Variants in MYH13 observed in about 807,000 individuals in gnomAD.
The protein encoded by MYH13 is myosin-13.
In MYH13, 177 loss-of-function variants were observed where a neutral mutation model predicts 232.1. The observed-to-expected ratio is 0.76, with a 90% CI of 0.67 to 0.86. MYH13 has a LOEUF of 0.86. Among genes scored for constraint, MYH13 ranks in the 40% least tolerant of loss-of-function variants. The probability of loss-of-function intolerance (pLI) is 0.00; values close to 1 mark genes in which losing one functional copy is unlikely to be tolerated. For synonymous variants in MYH13, 884 were observed against 923.5 expected (o/e 0.96, Z 0.78); for missense variants, 2,246 against 2,405.9 (o/e 0.93, Z 1.39).
chr17:10,319,258 T>C (rs370920138), intron 26 of MYH13, 79 bp from the exon 27 acceptor site: 17 of 1,482,728 alleles, frequency 1.1e-5, no homozygotes, highest in Middle Eastern at 3.6e-4. Flanking sequence ...TGTTGAGGAA[T>C]TGCGGGTAGG....
intron 1 of MYH13, among the ~76,000 whole-genome samples, chr17:10,372,428 C>T (rs187360704): frequency 6.6e-6 from 1 of 152,308 alleles, no homozygotes; most frequent in Non-Finnish European, 1.5e-5. Context: ...ATTGCACTGT[C>T]AGACACAGTC....
At chr17:10,365,130 C>T (rs2071824506) in intron 2 of MYH13, among the ~76,000 whole-genome samples, 1 of 152,152 alleles carries the variant, frequency 6.6e-6, no homozygotes, top group African/African-American at 2.4e-5. Context: ...CCGCCTTGAC[C>T]TCCCAAAGTG....
intron 32 of MYH13, 120 bp downstream of exon 32, chr17:10,311,791 G>T: frequency 1.7e-6 from 2 of 1,164,872 alleles, no homozygotes; most frequent in Non-Finnish European, 2.5e-6. Flanking sequence ...GAGGCATGAT[G>T]GGTGAGGATC....
chr17:10,313,186 G>C lies in MYH13; in HGVS notation c.4153C>G (p.Gln1385Glu). ...GCCTCCTCCAGCTCCTCTGTGCGCT[G>C]AATGGCGTCCGTCTCGTATTTGGTC... ...WRTKYETDAI[Q>E]RTEELEEAKK... is the part of the protein sequence containing the mutation. The change falls in exon 30 of 41, where the codon CAG (glutamine) becomes GAG (glutamate). Residue 1385 changes from glutamine to glutamate, a missense_variant. Transcript: ENST00000252172. The C allele has an allele frequency of 6.2e-7, 1 of 1,614,166 alleles. No homozygotes were observed.
intron 8 of MYH13, among the ~76,000 whole-genome samples, chr17:10,356,912 T>G (rs1252489297): frequency 2.0e-5 from 3 of 152,240 alleles, no homozygotes; most frequent in African/African-American, 4.8e-5. Context: ...AGTAAAAAGT[T>G]GAAGGATGGC....
At position 10,323,787 on chromosome 17, in the gene MYH13, A is replaced by AAAGAAGAAG. The variant is rs571033999; in HGVS notation, c.2934+226_2934+234dup. Among the ~76,000 whole-genome samples the AAAGAAGAAG allele has an allele frequency of 3.0e-3, 200 of 66,744 alleles. 2 individuals are homozygous for AAAGAAGAAG. The highest frequency in any genetic ancestry group is 6.1e-3 in the African/African-American group (98 of 15,938). The allele number at this position is 66,744 out of a possible 152,430, so 43.8% of individuals were successfully genotyped here. A position where few individuals can be genotyped will look rare whatever the true frequency, so the allele number is the denominator to read the frequency against. The stretch of plus-strand genomic sequence containing the variant: ...CACAAAAAAAAAAAAAAAAAAAAAA[A>AAAGAAGAAG]AAGAAGAAGAAGAAGAAGAAGAAGA... On this transcript the variant is annotated intron_variant, in intron 23 of 40. Coordinates refer to ENST00000252172, the MANE Select transcript of MYH13 (RefSeq NM_003802.3).
chr17:10,344,973 C>G (rs1166530775), intron 15 of MYH13, among the ~76,000 whole-genome samples: 1 of 152,172 alleles, frequency 6.6e-6, no homozygotes, highest in Non-Finnish European at 1.5e-5. Flanking sequence ...GGTTCCATCA[C>G]ATTCTTGGAG....
chr17:10,368,157 T>C (rs2071851408), intron 2 of MYH13, among the ~76,000 whole-genome samples: 1 of 152,194 alleles, frequency 6.6e-6, no homozygotes, highest in Non-Finnish European at 1.5e-5. Context: ...ATTACAATCA[T>C]CAATATCACC....
At chr17:10,318,692 A>G (rs536088539) in intron 27 of MYH13, 98 bp downstream of exon 27, 1 of 1,469,892 alleles carries the variant, frequency 6.8e-7, no homozygotes, top group African/African-American at 1.4e-5. Context: ...TCAGTGTAGA[A>G]CATGCAGTGG....
rs994138023 is a variant in MYH13, at chr17:10,306,878, C to T, written c.5295+61G>A. On this transcript the variant is annotated intron_variant, in intron 36 of 40. Coordinates refer to ENST00000252172, the MANE Select transcript of MYH13 (RefSeq NM_003802.3). The surrounding 1 kb of genome is among the most constrained non-coding windows in gnomAD (Gnocchi z 4.3). Reference sequence around the variant, plus strand: ...ATGAAACATACTTGCCACACCCTGGCTCAGAGGCCCCACTTTCTCAGTTCC... The same window carrying T: ...ATGAAACATACTTGCCACACCCTGGTTCAGAGGCCCCACTTTCTCAGTTCC... 6.2e-7 allele frequency: 1 copy of T among 1,606,834 alleles called. No individual in the cohort carries two copies. The highest frequency in any genetic ancestry group is 2.2e-5 in the East Asian group (1 of 44,882).
intron 18 of MYH13, among the ~76,000 whole-genome samples, chr17:10,339,342 ATATT>A (rs1473329826): frequency 2.0e-5 from 3 of 152,332 alleles, no homozygotes; most frequent in African/African-American, 7.2e-5. Context: ...ACAGGGTTCT[ATATT>A]TATATATAGT....
At chr17:10,303,973 G>T (rs1906192538) in intron 37 of MYH13, among the ~76,000 whole-genome samples, 1 of 152,142 alleles carries the variant, frequency 6.6e-6, no homozygotes, top group East Asian at 1.9e-4. Context: ...CCTTTTCAGG[G>T]ACATGGATGA....
At chr17:10,309,905 G>T in intron 33 of MYH13, 75 bp from the exon 34 acceptor site, 3 of 1,218,598 alleles carry the variant, frequency 2.5e-6, no homozygotes, top group South Asian at 1.8e-5. Context: ...ATCCCCATAC[G>T]ATCAAATGGG....
chr17:10,323,542 G>C (rs775047041), intron 23 of MYH13, among the ~76,000 whole-genome samples: 1 of 152,046 alleles, frequency 6.6e-6, no homozygotes, highest in Non-Finnish European at 1.5e-5. Flanking sequence ...TGGATCACCT[G>C]AGGTAAGGAG....
intron 29 of MYH13, 44 bp downstream of exon 29, chr17:10,315,649 A>G (rs1906676734): frequency 1.3e-6 from 2 of 1,558,374 alleles, no homozygotes; most frequent in South Asian, 1.1e-5. Context: ...TGAAGTGGTC[A>G]TATAGCCTGG....
At position 10,318,912 on chromosome 17, in the gene MYH13, C is replaced by G; in HGVS notation, c.3616G>C (p.Glu1206Gln). 1 of 1,614,168 alleles carries G rather than the reference C, an allele frequency of 6.2e-7. No individual in the cohort carries two copies. Among genetic ancestry groups the G allele is most frequent in the Non-Finnish European group, 8.5e-7 (1 of 1,180,042 alleles). Residue 1206 changes from glutamate (E) to glutamine (Q), a missense_variant, in exon 27 of 41, where the codon GAG (glutamate) becomes CAG (glutamine). Glu to Gln is a conservative substitution (Grantham distance 29). Coordinates refer to ENST00000252172, the MANE Select transcript of MYH13 (RefSeq NM_003802.3). The stretch of plus-strand genomic sequence containing the variant: ...AGGTTGTCAATCTGCTCCCCAAGCT[C>G]GGCCACACTATCTGCTTGCTTCTTC... ...LRKKQADSVA[E>Q]LGEQIDNLQR...
At chr17:10,350,823 A>T (rs748910459) in intron 11 of MYH13, 129 bp from the exon 12 acceptor site, 1 of 1,210,618 alleles carries the variant, frequency 8.3e-7, no homozygotes, top group South Asian at 1.2e-5. Flanking sequence ...AGTGGATGAC[A>T]GGTGGGGATG....
At chr17:10,307,402 C>T (rs184417799) in intron 35 of MYH13, among the ~76,000 whole-genome samples, 1 of 152,074 alleles carries the variant, frequency 6.6e-6, no homozygotes, top group East Asian at 1.9e-4. Context: ...TTTAAATAAT[C>T]AAAATATGCC....
In MYH13 at chr17:10,332,149, GGAGCTTCTCT is replaced by G; in HGVS notation, c.2238_2247del (p.Glu747SerfsTer31). The G allele has an allele frequency of 6.2e-7, 1 of 1,614,024 alleles. No individual in the cohort carries two copies. The highest frequency in any genetic ancestry group is 1.3e-5 in the African/African-American group (1 of 75,058). ...TCCCGGTCCACATCGATGGAGTTGA[GGAGCTTCTCT>G]GAGGCATTTTTGCTGTCAATGAACT... On this transcript the variant is annotated frameshift_variant, in exon 20 of 41. Transcript: ENST00000252172. LOFTEE classifies it high-confidence loss of function.
Sources: gnomAD v4.1 joint callset for allele counts (sites outside exome capture counted in the v4.1 genomes callset) on GRCh38, gnomAD v4.1.1 for gene constraint, Gnocchi (gnomAD v3.1) non-coding constraint, MANE v1.5 for transcripts, NCBI Gene and HGNC (gene_info 2026-07-23, HGNC 2026-07-21) for gene names.